The following SH3BP5 variants were observed in gnomAD, a reference collection of about 807,000 sequenced individuals.
SH3BP5 encodes SH3 domain-binding protein 5.
In SH3BP5, 22 loss-of-function variants were observed where a neutral mutation model predicts 43.3. The ratio of observed to expected loss-of-function variants is 0.51; its 90% CI spans 0.36 to 0.73. The LOEUF (loss-of-function observed/expected upper bound fraction) is 0.73, where lower values mean the gene tolerates loss of function less well. Ranked by LOEUF, SH3BP5 falls within the 30% of genes least tolerant of loss-of-function variation. The pLI is 0.00. For synonymous variants in SH3BP5, 255 were observed against 225.8 expected, an observed-to-expected ratio of 1.13 and a Z score of -1.16; for missense variants, 529 against 586.9, an observed-to-expected ratio of 0.90 and a Z score of 1.02.
At chr3:15,317,185 G>A (rs1443742385) in intron 2 of SH3BP5, among the ~76,000 whole-genome samples, 1 of 152,204 alleles carries the variant, frequency 6.6e-6, no homozygotes, top group East Asian at 1.9e-4. Context: ...CACCACCCAA[G>A]CTGTTATGAA....
intron 7 of SH3BP5, chr3:15,258,267 T>C (rs1696296703): frequency 6.6e-6 from 1 of 152,224 alleles, no homozygotes; most frequent in South Asian, 2.1e-4. Flanking sequence ...CAAACTTCTA[T>C]CAGTTTTCCA....
At chr3:15,301,939 A>G (rs1033566810) in intron 3 of SH3BP5, among the ~76,000 whole-genome samples, 1 of 152,086 alleles carries the variant, frequency 6.6e-6, no homozygotes, top group Non-Finnish European at 1.5e-5. Flanking sequence ...CCATCCTTCA[A>G]TCACTCTGCA....
At chr3:15,305,193 C>T (rs7340679) in intron 2 of SH3BP5, among the ~76,000 whole-genome samples, 133,722 of 152,136 alleles carry the variant, frequency 0.88, 59,213 homozygotes, top group East Asian at 1. Context: ...TTGCATAGCA[C>T]GGTATAGATT....
intron 3 of SH3BP5, among the ~76,000 whole-genome samples, chr3:15,295,557 T>C (rs1364295306): frequency 1.3e-5 from 2 of 152,234 alleles, no homozygotes; most frequent in Non-Finnish European, 2.9e-5. Context: ...AAGGCTGTGA[T>C]GCGCCTTATG....
intron 3 of SH3BP5, among the ~76,000 whole-genome samples, chr3:15,279,736 C>A (rs1697068979): frequency 6.6e-6 from 1 of 152,096 alleles, no homozygotes; most frequent in Non-Finnish European, 1.5e-5. Flanking sequence ...CTACTGCCAA[C>A]AGTCATCCAG....
chr3:15,318,027 A>AT (rs1350763230), intron 2 of SH3BP5, among the ~76,000 whole-genome samples: 2 of 152,212 alleles, frequency 1.3e-5, no homozygotes, highest in East Asian at 3.8e-4. Flanking sequence ...TTCTGGATTC[A>AT]TTATACATCC....
At chr3:15,293,841 G>A (rs780832210) in intron 3 of SH3BP5, among the ~76,000 whole-genome samples, 2 of 152,106 alleles carry the variant, frequency 1.3e-5, no homozygotes, top group Non-Finnish European at 2.9e-5. Context: ...ACTTTGGGAG[G>A]CCGAGGCAGG....
At chr3:15,304,033 T>G (rs1030096258) in intron 3 of SH3BP5, 70 bp downstream of exon 3, 14 of 1,351,232 alleles carry the variant, frequency 1.0e-5, no homozygotes, top group Admixed American at 1.7e-5. Context: ...GGTGATACAG[T>G]CAAAGGCACC....
Position 15,262,253 on chromosome 3 carries a change from G to A in SH3BP5, c.532C>T (p.Leu178=). The A allele has an allele frequency of 6.2e-7, 1 of 1,614,150 alleles. No homozygotes were observed. Among genetic ancestry groups the A allele is most frequent in the East Asian group, 2.2e-5 (1 of 44,876 alleles). ...CTGGCTGCCGTCTCCTTATGCACCA[G>A]CTCGCTCCTGGTCTTGGTCTGCTCC... is the stretch of plus-strand genomic sequence containing the variant. ...EAEQTKTRSE[L]VHKETAARYN... Residue 178 remains leucine, a synonymous_variant, in exon 5 of 9, where the codon CTG becomes TTG. Coordinates refer to ENST00000383791, the MANE Select transcript of SH3BP5 (RefSeq NM_004844.5).
At chr3:15,262,013 C>A in intron 5 of SH3BP5, 146 bp downstream of exon 5, 1 of 823,342 alleles carries the variant, frequency 1.2e-6, no homozygotes, top group South Asian at 1.9e-5. Flanking sequence ...GGAAAGAGAG[C>A]CTGAGCAGGG....
intron 3 of SH3BP5, among the ~76,000 whole-genome samples, chr3:15,297,022 C>A (rs1197330936): frequency 6.6e-6 from 1 of 152,114 alleles, no homozygotes; most frequent in East Asian, 1.9e-4. Context: ...CAAACAAAAT[C>A]AATGCCTAGA....
rs145597290 is a variant in SH3BP5, at chr3:15,276,455, C to T, written c.331-6578G>A. On this transcript the variant is annotated intron_variant, in intron 3 of 8. Coordinates refer to ENST00000383791, the MANE Select transcript of SH3BP5 (RefSeq NM_004844.5). ...GTTCAACCATGCAGTGTGTACCCCC[C>T]GGAGTAACTCATTAACACAGTCACC... 2.0e-4 allele frequency among the ~76,000 whole-genome samples: 30 copies of T among 152,280 alleles called. 1 individual carries two copies. The highest frequency in any genetic ancestry group is 3.4e-3 in the Middle Eastern group (1 of 294).
chr3:15,257,628 A>C (rs1342198972), intron 7 of SH3BP5: 1 of 153,258 alleles, frequency 6.5e-6, no homozygotes, highest in Non-Finnish European at 1.5e-5. Context: ...TCTCATAAAG[A>C]ACACACTCAA....
At chr3:15,338,991 C>T (rs934336715) in intron 1 of SH3BP5, among the ~76,000 whole-genome samples, 1 of 152,170 alleles carries the variant, frequency 6.6e-6, no homozygotes, top group African/African-American at 2.4e-5. Context: ...CCAAATCTCT[C>T]TTCTCTTCCC....
In SH3BP5 at chr3:15,320,605, AAC is replaced by A. The variant is rs376414934; in HGVS notation, c.201+9897_201+9898del. Among the ~76,000 whole-genome samples the A allele has an allele frequency of 8.4e-3, 1,069 of 126,898 alleles. 8 individuals carry two copies. The highest frequency in any genetic ancestry group is 0.01 in the Non-Finnish European group (623 of 60,256). The allele number at this position is 126,898 out of a possible 152,430, so 83.3% of individuals were successfully genotyped here. ...ATAGAGGTTTAATTCATCCAGCCAA[AAC>A]ACACACACACACACACACACACACA... On this transcript the variant is annotated intron_variant, in intron 2 of 8. Coordinates refer to ENST00000383791, the MANE Select transcript of SH3BP5 (RefSeq NM_004844.5).
chr3:15,320,640 A>ACACACACACACACACACACACACACACC lies in SH3BP5; in HGVS notation c.201+9863_201+9864insGGTGTGTGTGTGTGTGTGTGTGTGTGTG, dbSNP rs373879792. Among the ~76,000 whole-genome samples, 93 of 149,662 alleles carry ACACACACACACACACACACACACACACC rather than the reference A, an allele frequency of 6.2e-4. 2 individuals carry two copies. Among genetic ancestry groups the ACACACACACACACACACACACACACACC allele is most frequent in the African/African-American group, 1.2e-3 (49 of 40,310 alleles). ...CACACACACACACACACACACACAC[A>ACACACACACACACACACACACACACACC]CCCCACTACGTTAAAGTCCCTACAA... On this transcript the variant is annotated intron_variant, in intron 2 of 8. Transcript: ENST00000383791.
upstream of SH3BP5, chr3:15,332,686 T>C: frequency 8.9e-7 from 1 of 1,128,252 alleles, no homozygotes; most frequent in Non-Finnish European, 1.1e-6. Context: ...CAGTCCCAGC[T>C]ATCCAGGTCT....
Position 15,332,450 on chromosome 3 carries a change from G to A in SH3BP5, c.-42C>T. On this transcript the variant is annotated 5_prime_UTR_variant, in exon 1 of 9. Transcript: ENST00000383791. Reference sequence around the variant, plus strand: ...CGCGCCGCGCAGTGGGCTCCGGAGCGCCCCGGGGGTCGCGGCTGCCACAGG... The same window carrying A: ...CGCGCCGCGCAGTGGGCTCCGGAGCACCCCGGGGGTCGCGGCTGCCACAGG... 1.4e-6 allele frequency: 2 copies of A among 1,479,694 alleles called. No individual in the cohort carries two copies. Among genetic ancestry groups the A allele is most frequent in the South Asian group, 1.3e-5 (1 of 76,394 alleles). The allele number at this position is 1,479,694 out of a possible 1,614,324, so 91.7% of individuals were successfully genotyped here.
At chr3:15,269,515 G>A (rs953801502) in intron 4 of SH3BP5, among the ~76,000 whole-genome samples, 198 bp downstream of exon 4, 4 of 152,200 alleles carry the variant, frequency 2.6e-5, no homozygotes, top group African/African-American at 9.7e-5. Flanking sequence ...TCGCTGTCAC[G>A]GAGAGACACT....
Sources: allele counts gnomAD v4.1 joint callset (sites outside exome capture counted in the v4.1 genomes callset), GRCh38; gene constraint gnomAD v4.1.1; transcripts MANE v1.5; gene names NCBI Gene and HGNC (gene_info 2026-07-23, HGNC 2026-07-21).